The following PDE4D variants were observed in gnomAD, a reference collection of about 807,000 sequenced individuals.
The protein encoded by PDE4D is phosphodiesterase 4D.
A neutral mutation model predicts 87.4 loss-of-function variants in PDE4D; 24 were observed. The ratio of observed to expected loss-of-function variants is 0.27; its 90% CI spans 0.20 to 0.39. The LOEUF is 0.39. PDE4D is among the 10% of genes least tolerant of loss of function. PDE4D has a pLI of 1.00. For missense variants in PDE4D, 714 were observed against 1,041.0 expected, an observed-to-expected ratio of 0.69 and a Z score of 4.32; for synonymous variants, 384 against 383.2, an observed-to-expected ratio of 1.00 and a Z score of -0.02.
chr5:60,348,071 A>G (rs2149916292), intron 1 of PDE4D, among the ~76,000 whole-genome samples: 1 of 152,210 alleles, frequency 6.6e-6, no homozygotes, highest in South Asian at 2.1e-4. Context: ...AGGACACAAT[A>G]AACACTCAAG....
At chr5:59,618,009 AT>A (rs564519628) in intron 1 of PDE4D, among the ~76,000 whole-genome samples, 6,665 of 147,566 alleles carry the variant, frequency 0.045, 198 homozygotes, top group African/African-American at 0.086. Flanking sequence ...TTATTTTCTG[AT>A]TTTTTTTTTT....
intron 3 of PDE4D, among the ~76,000 whole-genome samples, chr5:59,942,301 C>T (rs1325802425): frequency 6.6e-6 from 1 of 152,162 alleles, no homozygotes; most frequent in Non-Finnish European, 1.5e-5. Flanking sequence ...TGCCAAAAGT[C>T]TTCTCTCTCT....
intron 1 of PDE4D, among the ~76,000 whole-genome samples, chr5:60,314,981 T>C (rs1755418415): frequency 6.6e-6 from 1 of 152,234 alleles, no homozygotes; most frequent in Admixed American, 6.5e-5. Flanking sequence ...GCATGATTTA[T>C]AATCCTTTGG....
intron 1 of PDE4D, among the ~76,000 whole-genome samples, chr5:59,486,701 C>T (rs1036716721): frequency 6.6e-6 from 1 of 152,136 alleles, no homozygotes; most frequent in African/African-American, 2.4e-5. Context: ...AAGATGTACT[C>T]AGGTTAATAT....
intron 1 of PDE4D, among the ~76,000 whole-genome samples, chr5:59,621,383 G>T (rs1234253530): frequency 1.3e-5 from 2 of 152,214 alleles, no homozygotes; most frequent in Non-Finnish European, 2.9e-5. Context: ...TAGGAAGCCA[G>T]CTGAGTTCTT....
chr5:59,594,150 G>GAAA (rs70975322), intron 1 of PDE4D, among the ~76,000 whole-genome samples: 29 of 147,486 alleles, frequency 2.0e-4, no homozygotes, highest in Non-Finnish European at 3.7e-4. Flanking sequence ...TATGGTATAA[G>GAAA]AAAAAAAAAA....
intron 1 of PDE4D, among the ~76,000 whole-genome samples, chr5:59,521,393 CAA>C (rs1469077136): frequency 6.6e-6 from 1 of 152,130 alleles, no homozygotes; most frequent in African/African-American, 2.4e-5. Context: ...GTGGAGACCC[CAA>C]GTCTTGTATG....
chr5:60,028,459 T>C (rs1264955013), intron 2 of PDE4D, among the ~76,000 whole-genome samples: 3 of 152,184 alleles, frequency 2.0e-5, no homozygotes, highest in African/African-American at 4.8e-5. Flanking sequence ...GCCTAAACTA[T>C]TGTGAAATTT....
chr5:60,081,632 C>T (rs1773964901), intron 2 of PDE4D, among the ~76,000 whole-genome samples: 1 of 152,096 alleles, frequency 6.6e-6, no homozygotes, highest in Non-Finnish European at 1.5e-5. Context: ...GGATTTCTGC[C>T]TTAATTTCAT....
intron 3 of PDE4D, among the ~76,000 whole-genome samples, chr5:59,975,170 C>T (rs73761077): frequency 0.093 from 14,109 of 152,192 alleles, 2,047 homozygotes; most frequent in African/African-American, 0.3. Context: ...TTCTCATTCA[C>T]TGAAAACTGC....
At chr5:58,976,294 CAT>C (rs1216506463) in intron 13 of PDE4D, 54 bp downstream of exon 13, 19 of 1,544,586 alleles carry the variant, frequency 1.2e-5, no homozygotes, top group East Asian at 6.9e-5. Context: ...AACACGCAGA[CAT>C]GTGCACATGT....
chr5:59,248,314 T>G (rs923893757), intron 1 of PDE4D, among the ~76,000 whole-genome samples: 3 of 151,460 alleles, frequency 2.0e-5, no homozygotes, highest in African/African-American at 7.3e-5. Flanking sequence ...CAAAGACTAG[T>G]CAGGGCACAC....
At chr5:59,572,269 A>G (rs921001226) in intron 1 of PDE4D, among the ~76,000 whole-genome samples, 2 of 152,218 alleles carry the variant, frequency 1.3e-5, no homozygotes, top group Admixed American at 6.5e-5. Flanking sequence ...TAGTGCTATA[A>G]TGGGCTATAA....
At chr5:59,983,272 A>G (rs1762108034) in intron 3 of PDE4D, among the ~76,000 whole-genome samples, 1 of 152,052 alleles carries the variant, frequency 6.6e-6, no homozygotes. Context: ...CTCCAAGTGA[A>G]ATTGCTCTGC....
At chr5:59,102,079 T>G (rs958124505) in intron 5 of PDE4D, among the ~76,000 whole-genome samples, 1 of 124,652 alleles carries the variant, frequency 8.0e-6, no homozygotes, top group South Asian at 2.8e-4. Context: ...ATTTTTTCCC[T>G]ACTTTTTTTT....
intron 1 of PDE4D, among the ~76,000 whole-genome samples, chr5:59,460,178 G>A (rs1054063024): frequency 6.6e-6 from 1 of 151,868 alleles, no homozygotes; most frequent in African/African-American, 2.4e-5. Flanking sequence ...AAATGTATAT[G>A]TTATATGATT....
intron 1 of PDE4D, among the ~76,000 whole-genome samples, chr5:59,549,762 T>C (rs1561183834): frequency 6.6e-6 from 1 of 152,058 alleles, no homozygotes; most frequent in Non-Finnish European, 1.5e-5. Context: ...CATGTACACA[T>C]GCACAATTTA....
At chr5:60,060,697 A>AATGTTTT (rs1382988186) in intron 2 of PDE4D, among the ~76,000 whole-genome samples, 3 of 151,974 alleles carry the variant, frequency 2.0e-5, no homozygotes, top group Non-Finnish European at 4.4e-5. Flanking sequence ...CTGGCTATTA[A>AATGTTTT]ATGTTTTTTG....
intron 1 of PDE4D, among the ~76,000 whole-genome samples, chr5:59,322,904 A>T (rs1235548219): frequency 6.6e-6 from 1 of 152,170 alleles, no homozygotes; most frequent in Non-Finnish European, 1.5e-5. Flanking sequence ...TAGTAGGACT[A>T]TGAGCAAGAA....
Sources: allele counts gnomAD v4.1 joint callset (sites outside exome capture counted in the v4.1 genomes callset), GRCh38; gene constraint gnomAD v4.1.1; transcripts MANE v1.5; gene names NCBI Gene and HGNC (gene_info 2026-07-23, HGNC 2026-07-21).